Variants in RIN2 observed in about 807,000 individuals in gnomAD.
The protein encoded by RIN2 is Ras and Rab interactor 2.
Under a neutral mutation model 78.0 loss-of-function variants are expected in RIN2, and 36 were observed. The observed-to-expected ratio is 0.46, with a 90% CI of 0.35 to 0.61. The LOEUF is 0.61. RIN2 is among the 20% of genes least tolerant of loss of function. RIN2 has a pLI of 0.00. For synonymous variants in RIN2, 466 were observed against 466.8 expected, an observed-to-expected ratio of 1.00 and a Z score of 0.02; for missense variants, 1,087 against 1,159.7, an observed-to-expected ratio of 0.94 and a Z score of 0.91.
intron 2 of RIN2, among the ~76,000 whole-genome samples, chr20:19,830,898 C>A (rs1194992826): frequency 6.6e-6 from 1 of 152,210 alleles, no homozygotes; most frequent in Non-Finnish European, 1.5e-5. Context: ...CCATCTCACC[C>A]CACCTCGGGA....
chr20:19,776,586 G>A lies in RIN2; in HGVS notation c.-163+18259G>A, dbSNP rs893809552. On this transcript the variant is annotated intron_variant, in intron 1 of 12. Transcript: ENST00000255006. Reference sequence around the variant, plus strand: ...ATCTCTACTAAAAATGCAAAAGTTAGCTGGGCATGGTGGCGGCTGCCTGTA... The same window carrying A: ...ATCTCTACTAAAAATGCAAAAGTTAACTGGGCATGGTGGCGGCTGCCTGTA... Among the ~76,000 whole-genome samples, 9 of 152,210 alleles carry A rather than the reference G, an allele frequency of 5.9e-5. No individual in the cohort carries two copies. The East Asian group carries it at 1.5e-3, about 26-fold the overall frequency.
In RIN2 at chr20:19,999,287, A is replaced by T. The variant is rs190079904; in HGVS notation, c.2365-1326A>T. On this transcript the variant is annotated intron_variant, in intron 12 of 12. Coordinates refer to ENST00000255006, the MANE Select transcript of RIN2 (RefSeq NM_018993.4). ...TGTAGACCCTGTCTCTTAAAAAAAAAGGTTCAAAGAGTGTCACTGTCAATC... is the reference window on the plus strand; with the variant it reads ...TGTAGACCCTGTCTCTTAAAAAAAATGGTTCAAAGAGTGTCACTGTCAATC... 2.7e-3 allele frequency among the ~76,000 whole-genome samples: 410 copies of T among 152,200 alleles called. 9 individuals are homozygous for T. Among genetic ancestry groups the T allele is most frequent in the Admixed American group, 0.024 (364 of 15,290 alleles).
At chr20:19,875,205 C>G (rs1383432421) in intron 2 of RIN2, among the ~76,000 whole-genome samples, 5 of 151,874 alleles carry the variant, frequency 3.3e-5, no homozygotes, top group African/African-American at 1.2e-4. Context: ...GTTGCTCAGG[C>G]TGGAGTGCAG....
At chr20:19,950,845 G>A (rs6112677) in intron 4 of RIN2, among the ~76,000 whole-genome samples, 8,449 of 151,322 alleles carry the variant, frequency 0.056, 481 homozygotes, top group East Asian at 0.29. Context: ...GAGCAGCTGT[G>A]GCTAGAACTG....
intron 7 of RIN2, among the ~76,000 whole-genome samples, chr20:19,970,565 C>T (rs1333872307): frequency 2.0e-5 from 3 of 152,144 alleles, no homozygotes; most frequent in African/African-American, 7.2e-5. Context: ...ACTCTACATA[C>T]GTTTTAGCTA....
At chr20:19,824,019 C>T (rs2036008476) in intron 2 of RIN2, 5 of 896,426 alleles carry the variant, frequency 5.6e-6, no homozygotes, top group African/African-American at 1.7e-5. Context: ...TCCTCCGAGC[C>T]GAAAGCCGAG....
intron 2 of RIN2, among the ~76,000 whole-genome samples, chr20:19,850,395 T>G (rs1014581469): frequency 6.6e-6 from 1 of 152,192 alleles, no homozygotes; most frequent in Non-Finnish European, 1.5e-5. Flanking sequence ...GGAGAAATGT[T>G]ACGTATCCCA....
intron 1 of RIN2, among the ~76,000 whole-genome samples, chr20:19,764,554 C>T (rs928312932): frequency 1.3e-5 from 2 of 152,234 alleles, no homozygotes; most frequent in African/African-American, 2.4e-5. Context: ...AAATGTTTAT[C>T]GCTTCAGCGA....
rs116370925 is a variant in RIN2, at chr20:19,891,263, G to A, written c.57+1605G>A. ...CCCATTGGAGGCAAATGAGAGTAAG[G>A]AGCTCCTCAAGTCCTCTGTAGATCA... is the stretch of plus-strand genomic sequence containing the variant. On this transcript the variant is annotated intron_variant, in intron 3 of 12. Transcript: ENST00000255006. Among the ~76,000 whole-genome samples the A allele has an allele frequency of 1.8e-3, 277 of 152,242 alleles. 3 individuals are homozygous for A. The highest frequency in any genetic ancestry group is 6.3e-3 in the African/African-American group (261 of 41,546).
At chr20:19,996,496 T>C (rs1047110568) in intron 11 of RIN2, among the ~76,000 whole-genome samples, 183 bp from the exon 12 acceptor site, 1 of 152,142 alleles carries the variant, frequency 6.6e-6, no homozygotes, top group African/African-American at 2.4e-5. Flanking sequence ...GATGGCTGTG[T>C]GAAGGGATGG....
chr20:19,898,265 G>A (rs1257882375), intron 3 of RIN2, among the ~76,000 whole-genome samples: 1 of 152,142 alleles, frequency 6.6e-6, no homozygotes, highest in Non-Finnish European at 1.5e-5. Context: ...TTCGCCAGGG[G>A]ACTTCTTTGT....
chr20:19,886,748 G>A, intron 2 of RIN2: 1 of 1,542,766 alleles, frequency 6.5e-7, no homozygotes. Context: ...ACCGGTACAA[G>A]TCTGGAGGAA....
intron 2 of RIN2, among the ~76,000 whole-genome samples, chr20:19,817,814 C>A (rs1353474183): frequency 6.6e-6 from 1 of 152,224 alleles, no homozygotes; most frequent in African/African-American, 2.4e-5. Context: ...CTCAGTTCAG[C>A]TCTAGAGCCT....
In RIN2 at chr20:19,761,977, C is replaced by T. The variant is rs191778488; in HGVS notation, c.-163+3650C>T. On this transcript the variant is annotated intron_variant, in intron 1 of 12. Coordinates refer to ENST00000255006, the MANE Select transcript of RIN2 (RefSeq NM_018993.4). ...CTATTTCATCTTGGCTAGTTACATC[C>T]ATTGAGTGAGAAAGTACACCTGCTC... 9.3e-4 allele frequency among the ~76,000 whole-genome samples: 141 copies of T among 152,284 alleles called. 1 individual carries two copies. The highest frequency in any genetic ancestry group is 2.8e-3 in the African/African-American group (116 of 41,566).
intron 3 of RIN2, among the ~76,000 whole-genome samples, chr20:19,915,071 C>T (rs569740567): frequency 6.6e-6 from 1 of 152,208 alleles, no homozygotes; most frequent in African/African-American, 2.4e-5. Flanking sequence ...TAAGATGGAG[C>T]GAATCCCAGC....
chr20:19,849,622 C>T (rs749521509), intron 2 of RIN2, among the ~76,000 whole-genome samples: 7 of 152,196 alleles, frequency 4.6e-5, no homozygotes, highest in East Asian at 3.8e-4. Context: ...CCTGGCACCA[C>T]GGACTGTTTT....
intron 2 of RIN2, among the ~76,000 whole-genome samples, chr20:19,883,951 C>G (rs995860187): frequency 6.6e-6 from 1 of 150,770 alleles, no homozygotes; most frequent in African/African-American, 2.4e-5. Context: ...TTCCTAATTA[C>G]ATTTTTAAAA....
At chr20:19,874,064 GTGT>G (rs1568561950) in intron 2 of RIN2, among the ~76,000 whole-genome samples, 18 of 19,046 alleles carry the variant, frequency 9.5e-4, no homozygotes, top group African/African-American at 2.6e-3. Context: ...ACATTTTGGT[GTGT>G]GTGTGTGTGT....
At chr20:19,953,806 G>C (rs1334665924) in intron 4 of RIN2, among the ~76,000 whole-genome samples, 1 of 152,152 alleles carries the variant, frequency 6.6e-6, no homozygotes, top group Non-Finnish European at 1.5e-5. Flanking sequence ...TCTATGAAAG[G>C]AATTTTAACA....
Sources: allele counts gnomAD v4.1 joint callset (sites outside exome capture counted in the v4.1 genomes callset), GRCh38; gene constraint gnomAD v4.1.1; transcripts MANE v1.5; gene names NCBI Gene and HGNC (gene_info 2026-07-23, HGNC 2026-07-21).